PSAP: variants seen among roughly 807,000 people sequenced by gnomAD.
PSAP encodes precursor of saposins.
A neutral mutation model predicts 66.0 loss-of-function variants in PSAP; 25 were observed. That is an observed-to-expected ratio of 0.38 (90% confidence interval 0.28 to 0.53). The LOEUF (loss-of-function observed/expected upper bound fraction) is 0.53, where lower values mean the gene tolerates loss of function less well. Ranked by LOEUF, PSAP falls within the 20% of genes least tolerant of loss-of-function variation. PSAP has a pLI of 0.83. For missense variants in PSAP, 649 were observed against 668.8 expected (o/e 0.97, Z 0.33); for synonymous variants, 273 against 258.9 (o/e 1.05, Z -0.52).
intron 6 of PSAP, among the ~76,000 whole-genome samples, chr10:71,826,783 G>A (rs1341206055): frequency 2.0e-5 from 3 of 151,208 alleles, no homozygotes; most frequent in South Asian, 2.1e-4. Flanking sequence ...TCCTAGAGCC[G>A]GCCACTCCAC....
chr10:71,842,763 T>C (rs1302439387), intron 1 of PSAP, among the ~76,000 whole-genome samples: 1 of 152,144 alleles, frequency 6.6e-6, no homozygotes, highest in Non-Finnish European at 1.5e-5. Context: ...CAAACTATCA[T>C]CAACTATTAT....
intron 7 of PSAP, chr10:71,822,261 C>T (rs1835380587): frequency 2.2e-5 from 12 of 537,478 alleles, no homozygotes; most frequent in Non-Finnish European, 4.0e-5. Context: ...ACAGAGTCTC[C>T]ATCCAGGGCC....
At chr10:71,832,721 T>A (rs966099020) in intron 2 of PSAP, among the ~76,000 whole-genome samples, 1 of 151,804 alleles carries the variant, frequency 6.6e-6, no homozygotes, top group Non-Finnish European at 1.5e-5. Flanking sequence ...GGGTCAAGGG[T>A]ACTGTGCATG....
At position 71,819,537 on chromosome 10, in the gene PSAP, G is replaced by A. The variant is rs777227555; in HGVS notation, c.1278C>T (p.Asn426=). 1.9e-5 allele frequency: 30 copies of A among 1,614,204 alleles called. No individual in the cohort carries two copies. In the South Asian group the frequency reaches 2.3e-4, roughly 12 times the overall value. The change falls in exon 11 of 14, where the codon AAC becomes AAT. Residue 426 remains asparagine, a synonymous_variant. Coordinates refer to ENST00000394936, the MANE Select transcript of PSAP (RefSeq NM_002778.4). ...CAGCCAGGATCTCCTGCTTGGTGCT[G>A]TTTTTCTCCAGGTTGCGATCCAAAT... ...VGYLDRNLEK[N]STKQEILAAL... is the part of the protein sequence containing the mutation.
In PSAP at chr10:71,827,925, A is replaced by G. The variant is rs1842425726; in HGVS notation, c.720+89T>C. 4.5e-6 allele frequency: 7 copies of G among 1,549,426 alleles called. No individual in the cohort carries two copies. In the East Asian group the frequency reaches 1.6e-4, roughly 36 times the overall value. ...CAAGCTGCTTTCTGGGAAAAAAGAG[A>G]AGGATGTTGTCTGAACGCCCTACTC... On this transcript the variant is annotated intron_variant, in intron 6 of 13. Coordinates refer to ENST00000394936, the MANE Select transcript of PSAP (RefSeq NM_002778.4).
chr10:71,819,305 TG>T, intron 11 of PSAP, 159 bp downstream of exon 11: 1 of 1,173,858 alleles, frequency 8.5e-7, no homozygotes, highest in Non-Finnish European at 1.2e-6. Flanking sequence ...CTTCCCCCAG[TG>T]GCTCATCTTA....
At chr10:71,824,892 GC>G (rs1452000185) in intron 7 of PSAP, among the ~76,000 whole-genome samples, 1 of 152,212 alleles carries the variant, frequency 6.6e-6, no homozygotes, top group Admixed American at 6.5e-5. Flanking sequence ...TACTTCAGGT[GC>G]ATGTCTCTGT....
intron 12 of PSAP, 134 bp downstream of exon 12, chr10:71,818,897 T>TA: frequency 9.5e-7 from 1 of 1,056,790 alleles, no homozygotes. Flanking sequence ...GCTGGCTCCC[T>TA]ACCTTCTTGG....
Position 71,851,122 on chromosome 10 carries a change from T to G in PSAP, c.40+60A>C, listed in dbSNP as rs1842920344. Reference sequence around the variant, plus strand: ...AGGGGCCAGGCCCGGCACAGCCCATTCTGGGGCAGATGGACGCTGCGAGGC... The same window carrying G: ...AGGGGCCAGGCCCGGCACAGCCCATGCTGGGGCAGATGGACGCTGCGAGGC... On this transcript the variant is annotated intron_variant, in intron 1 of 13. Coordinates refer to ENST00000394936, the MANE Select transcript of PSAP (RefSeq NM_002778.4). 7 of 1,537,336 alleles carry G rather than the reference T, an allele frequency of 4.6e-6. No individual in the cohort carries two copies. The South Asian group carries it at 8.4e-5, about 18-fold the overall frequency.
At chr10:71,846,656 C>A (rs183942325) in intron 1 of PSAP, among the ~76,000 whole-genome samples, 3 of 147,782 alleles carry the variant, frequency 2.0e-5, no homozygotes, top group African/African-American at 7.5e-5. Flanking sequence ...CACTTAAACC[C>A]GGGAGGTGGA....
Position 71,819,067 on chromosome 10 carries a change from G to A in PSAP, c.1395C>T (p.Ile465=). Residue 465 remains isoleucine, a synonymous_variant, in exon 12 of 14, where the codon ATC becomes ATT. Transcript: ENST00000394936. Reference sequence around the variant, plus strand: ...AGGAAGGATCCATCACCTCCACCAGGATCTCGATCAGCACGGGCTCGTACT... The same window carrying A: ...AGGAAGGATCCATCACCTCCACCAGAATCTCGATCAGCACGGGCTCGTACT... ...VAEYEPVLIE[I]LVEVMDPSFV... 1 of 1,614,158 alleles carries A rather than the reference G, an allele frequency of 6.2e-7. No individual in the cohort carries two copies. The highest frequency in any genetic ancestry group is 8.5e-7 in the Non-Finnish European group (1 of 1,180,016).
intron 7 of PSAP, among the ~76,000 whole-genome samples, chr10:71,824,627 G>A (rs898363970): frequency 2.0e-5 from 3 of 152,318 alleles, no homozygotes; most frequent in Non-Finnish European, 4.4e-5. Flanking sequence ...TATTCTGCAA[G>A]CATTTAGTCA....
At chr10:71,825,277 C>A (rs1300562586) in intron 7 of PSAP, among the ~76,000 whole-genome samples, 1 of 152,194 alleles carries the variant, frequency 6.6e-6, no homozygotes, top group Non-Finnish European at 1.5e-5. Context: ...CCGTTCCCAA[C>A]GTGAGCAGGC....
Position 71,831,268 on chromosome 10 carries a change from G to A in PSAP, c.250-17C>T. ...GATCTCCTCCTACGAGAGGACACCA[G>A]GGTCAGAATCACGATAGGCTTTCCT... On this transcript the variant is annotated splice_polypyrimidine_tract_variant and intron_variant, in intron 3 of 13. Transcript: ENST00000394936. The A allele has an allele frequency of 6.2e-7, 1 of 1,613,194 alleles. No individual in the cohort carries two copies. Among genetic ancestry groups the A allele is most frequent in the South Asian group, 1.1e-5 (1 of 91,056 alleles).
In PSAP at chr10:71,819,394, T is replaced by C. The variant is rs141906004; in HGVS notation, c.1350+71A>G. The C allele has an allele frequency of 6.7e-5, 106 of 1,590,192 alleles. No homozygotes were observed. The Middle Eastern group carries it at 1.0e-3, about 15-fold the overall frequency. On this transcript the variant is annotated intron_variant, in intron 11 of 13. Transcript: ENST00000394936. ...AGAAACAGCTGGTTTTCCATCAAAA[T>C]GTACCCCAGCCTTGGCATACTTCAT...
intron 4 of PSAP, among the ~76,000 whole-genome samples, chr10:71,829,921 C>A (rs1344349978): frequency 1.3e-5 from 2 of 152,058 alleles, no homozygotes; most frequent in Non-Finnish European, 2.9e-5. Context: ...TCACTTGAAC[C>A]CGGAAGGCAG....
intron 1 of PSAP, 141 bp downstream of exon 1, chr10:71,851,041 G>A (rs1049026649): frequency 2.9e-5 from 29 of 988,182 alleles, no homozygotes; most frequent in Non-Finnish European, 3.9e-5. Flanking sequence ...GAGAAAGCCA[G>A]CGAACGCGCC....
At chr10:71,820,695 G>A (rs1419857600) in intron 8 of PSAP, among the ~76,000 whole-genome samples, 2 of 135,782 alleles carry the variant, frequency 1.5e-5, no homozygotes, top group East Asian at 5.5e-4. Context: ...GAGGATGAAG[G>A]ACCAAAAGCA....
chr10:71,829,128 T>G, intron 4 of PSAP, 51 bp from the exon 5 acceptor site: 1 of 1,541,740 alleles, frequency 6.5e-7, no homozygotes. Context: ...CAGGGGAAAA[T>G]AAGACAGGCC....
Sources: allele counts gnomAD v4.1 joint callset (sites outside exome capture counted in the v4.1 genomes callset), GRCh38; gene constraint gnomAD v4.1.1; transcripts MANE v1.5; gene names NCBI Gene and HGNC (gene_info 2026-07-23, HGNC 2026-07-21).